PLPPR1: variants seen among roughly 807,000 people sequenced by gnomAD.
PLPPR1 encodes the protein phospholipid phosphatase related 1.
In PLPPR1, 10 loss-of-function variants were observed where a neutral mutation model predicts 33.1. That is an observed-to-expected ratio of 0.30 (90% CI 0.19 to 0.51). The LOEUF (loss-of-function observed/expected upper bound fraction) is 0.51. PLPPR1 is among the 20% of genes least tolerant of loss of function. The pLI is 0.97. For missense variants in PLPPR1, 304 were observed against 408.1 expected (o/e 0.74, Z 2.20); for synonymous variants, 151 against 151.0 (o/e 1.00, Z 0.00).
intron 2 of PLPPR1, among the ~76,000 whole-genome samples, chr9:101,207,936 C>T (rs754352540): frequency 6.6e-5 from 10 of 152,234 alleles, no homozygotes; most frequent in Admixed American, 3.9e-4. Flanking sequence ...TACCTACAAA[C>T]GTATTTCATT....
At chr9:101,147,667 A>C (rs890373908) in intron 1 of PLPPR1, among the ~76,000 whole-genome samples, 1 of 152,172 alleles carries the variant, frequency 6.6e-6, no homozygotes, top group African/African-American at 2.4e-5. Flanking sequence ...GGAAACCAGC[A>C]GCTCATACAG....
intron 1 of PLPPR1, among the ~76,000 whole-genome samples, chr9:101,066,562 G>A (rs891427026): frequency 1.3e-5 from 2 of 151,900 alleles, no homozygotes; most frequent in South Asian, 2.1e-4. Flanking sequence ...ATGTCAGTAT[G>A]GACTCATGGA....
At chr9:101,119,344 G>A (rs1831149820) in intron 1 of PLPPR1, among the ~76,000 whole-genome samples, 1 of 152,218 alleles carries the variant, frequency 6.6e-6, no homozygotes, top group Non-Finnish European at 1.5e-5. Flanking sequence ...TGCTTCAAGA[G>A]TAAGCCATTT....
intron 1 of PLPPR1, among the ~76,000 whole-genome samples, chr9:101,094,994 C>T (rs1275113433): frequency 1.3e-5 from 2 of 152,170 alleles, no homozygotes; most frequent in East Asian, 3.9e-4. Flanking sequence ...AACACAAGCT[C>T]CAGGCTGTGT....
intron 1 of PLPPR1, among the ~76,000 whole-genome samples, chr9:101,074,114 A>G (rs1436433502): frequency 6.6e-6 from 1 of 152,124 alleles, no homozygotes; most frequent in Non-Finnish European, 1.5e-5. Flanking sequence ...TTCAATTGTG[A>G]AGTCCTAGGG....
intron 1 of PLPPR1, among the ~76,000 whole-genome samples, chr9:101,160,584 A>G (rs1442787909): frequency 5.3e-5 from 8 of 152,174 alleles, no homozygotes; most frequent in Non-Finnish European, 1.5e-5. Context: ...AGAATTTGAA[A>G]TGCAGCCTTA....
At chr9:101,064,253 A>C (rs567790905) in intron 1 of PLPPR1, among the ~76,000 whole-genome samples, 15 of 152,222 alleles carry the variant, frequency 9.9e-5, no homozygotes, top group African/African-American at 3.6e-4. Context: ...AAACAGCAAC[A>C]ATAATTTTAT....
intron 5 of PLPPR1, among the ~76,000 whole-genome samples, chr9:101,310,941 C>A (rs1024392950): frequency 1.3e-5 from 2 of 152,116 alleles, no homozygotes; most frequent in African/African-American, 4.8e-5. Flanking sequence ...TTTGCTTTAT[C>A]AAAAACAAAA....
At chr9:101,192,877 AT>A (rs1826322115) in intron 2 of PLPPR1, among the ~76,000 whole-genome samples, 1 of 152,172 alleles carries the variant, frequency 6.6e-6, no homozygotes, top group Non-Finnish European at 1.5e-5. Flanking sequence ...TTCTGCATGC[AT>A]TTTCTTACTT....
chr9:101,133,031 T>C (rs1027779354), intron 1 of PLPPR1, among the ~76,000 whole-genome samples: 12 of 152,202 alleles, frequency 7.9e-5, no homozygotes, highest in African/African-American at 2.7e-4. Context: ...AGTGTTTAGC[T>C]GTGATAGAAA....
intron 6 of PLPPR1, among the ~76,000 whole-genome samples, chr9:101,316,359 C>G (rs1259285105): frequency 1.3e-5 from 2 of 151,846 alleles, no homozygotes; most frequent in African/African-American, 4.8e-5. Context: ...ATGGCATGAA[C>G]CCGGGAGGCA....
intron 1 of PLPPR1, among the ~76,000 whole-genome samples, chr9:101,133,743 T>C (rs576564092): frequency 8.8e-4 from 134 of 152,330 alleles, no homozygotes; most frequent in African/African-American, 2.9e-3. Context: ...CCTACTATAC[T>C]TGAGTTTATC....
intron 1 of PLPPR1, among the ~76,000 whole-genome samples, chr9:101,073,390 T>C (rs776399727): frequency 2.0e-5 from 3 of 152,116 alleles, no homozygotes; most frequent in Non-Finnish European, 4.4e-5. Flanking sequence ...TTGGCAACTT[T>C]TCAGGGCTAC....
At chr9:101,183,038 T>G (rs1385861201) in intron 1 of PLPPR1, among the ~76,000 whole-genome samples, 3 of 151,790 alleles carry the variant, frequency 2.0e-5, no homozygotes, top group Non-Finnish European at 4.4e-5. Context: ...CATACATTGC[T>G]GGTGGGAATG....
intron 1 of PLPPR1, among the ~76,000 whole-genome samples, chr9:101,175,404 TTAAAA>T (rs896218509): frequency 7.2e-5 from 11 of 152,162 alleles, no homozygotes; most frequent in South Asian, 4.1e-4. Context: ...TCTTCTGATT[TTAAAA>T]TAAAATAAAA....
chr9:101,055,843 C>T (rs1830272977), intron 1 of PLPPR1, among the ~76,000 whole-genome samples: 1 of 152,178 alleles, frequency 6.6e-6, no homozygotes, highest in Non-Finnish European at 1.5e-5. Context: ...GATTCTCTTG[C>T]TAGTAGACAC....
chr9:101,086,482 C>G (rs10989391), intron 1 of PLPPR1, among the ~76,000 whole-genome samples: 1 of 152,134 alleles, frequency 6.6e-6, no homozygotes, highest in African/African-American at 2.4e-5. Context: ...AGGGTGTGTC[C>G]CATAGCCAGG....
chr9:101,236,742 G>A (rs193257782), intron 2 of PLPPR1, among the ~76,000 whole-genome samples: 1 of 151,160 alleles, frequency 6.6e-6, no homozygotes, highest in Admixed American at 6.6e-5. Flanking sequence ...TTTTTTCTTT[G>A]CATGTGAACA....
chr9:101,275,179 A>G (rs967314549), intron 3 of PLPPR1, among the ~76,000 whole-genome samples: 2 of 152,204 alleles, frequency 1.3e-5, no homozygotes, highest in African/African-American at 4.8e-5. Flanking sequence ...TCAAATCTCA[A>G]AAGTGTAGCT....
Sources: allele counts gnomAD v4.1 joint callset (sites outside exome capture counted in the v4.1 genomes callset), GRCh38; gene constraint gnomAD v4.1.1; transcripts MANE v1.5; gene names NCBI Gene and HGNC (gene_info 2026-07-23, HGNC 2026-07-21).